DOCK3: variants seen among roughly 807,000 people sequenced by gnomAD.
DOCK3 encodes dedicator of cytokinesis protein 3.
In DOCK3, 60 loss-of-function variants were observed where a neutral mutation model predicts 265.6. The ratio of observed to expected loss-of-function variants is 0.23; its 90% confidence interval spans 0.18 to 0.28. The LOEUF is 0.28. Among genes scored for constraint, DOCK3 ranks in the 10% least tolerant of loss-of-function variants. DOCK3 has a pLI of 1.00. For missense variants in DOCK3, 1,981 were observed against 2,594.3 expected (o/e 0.76, Z 5.14); for synonymous variants, 881 against 938.0 (o/e 0.94, Z 1.11).
Position 51,305,511 on chromosome 3 carries a change from A to G in DOCK3, c.2923-4721A>G, listed in dbSNP as rs532134159. Among the ~76,000 whole-genome samples, 31 of 151,612 alleles carry G rather than the reference A, an allele frequency of 2.0e-4. No individual in the cohort carries two copies. The South Asian group carries it at 6.5e-3, about 32-fold the overall frequency. ...CATATTTTTAAATTAATTTTTCCCA[A>G]CTCCGTCTTTTAGTTGGAGTGTTTA... On this transcript the variant is annotated intron_variant, in intron 27 of 52. Transcript: ENST00000266037.
At chr3:50,847,982 T>A (rs1400542796) in intron 3 of DOCK3, among the ~76,000 whole-genome samples, 1 of 152,034 alleles carries the variant, frequency 6.6e-6, no homozygotes, top group Non-Finnish European at 1.5e-5. Flanking sequence ...GTGTGTTCCA[T>A]TGTTGGGTGC....
chr3:50,844,543 T>C (rs1531271), intron 3 of DOCK3, among the ~76,000 whole-genome samples: 15,082 of 152,122 alleles, frequency 0.099, 928 homozygotes, highest in Non-Finnish European at 0.13. Flanking sequence ...TATAAGTAAA[T>C]GATGAAACAG....
chr3:51,145,279 G>T (rs1020718045), intron 9 of DOCK3, among the ~76,000 whole-genome samples: 23 of 151,836 alleles, frequency 1.5e-4, no homozygotes, highest in African/African-American at 4.8e-4. Flanking sequence ...TGCACAATGT[G>T]CAGGTTTGTT....
At chr3:51,148,289 G>C (rs2085398366) in intron 10 of DOCK3, among the ~76,000 whole-genome samples, 1 of 152,148 alleles carries the variant, frequency 6.6e-6, no homozygotes, top group African/African-American at 2.4e-5. Context: ...CCATTCTGTA[G>C]GTTGCCTGTT....
At chr3:50,970,930 TATATATATATATATATAATG>T (rs2077199932) in intron 5 of DOCK3, among the ~76,000 whole-genome samples, 1 of 73,020 alleles carries the variant, frequency 1.4e-5, no homozygotes, top group African/African-American at 6.0e-5. Context: ...TATATATATA[TATATATATATATATATAATG>T]TGTGTGTGTG....
Position 50,694,073 on chromosome 3 carries a change from A to G in DOCK3, c.37+18773A>G, listed in dbSNP as rs145213117. Among the ~76,000 whole-genome samples the G allele has an allele frequency of 4.7e-3, 709 of 151,816 alleles. 4 individuals carry two copies. Among genetic ancestry groups the G allele is most frequent in the African/African-American group, 0.014 (594 of 41,456 alleles). ...CACCTGAGGTCAGGAGTTTCAGACC[A>G]GCCTGGCCAACATGGCAAAACCCTG... On this transcript the variant is annotated intron_variant, in intron 1 of 52. Transcript: ENST00000266037.
intron 1 of DOCK3, among the ~76,000 whole-genome samples, chr3:50,735,779 A>G (rs2038552639): frequency 6.6e-6 from 1 of 152,168 alleles, no homozygotes; most frequent in Admixed American, 6.5e-5. Context: ...TGGGTAATGC[A>G]TAAATAAGAG....
At chr3:51,053,162 C>CA (rs1575897557) in intron 5 of DOCK3, among the ~76,000 whole-genome samples, 1 of 123,022 alleles carries the variant, frequency 8.1e-6, no homozygotes, top group East Asian at 2.9e-4. Context: ...TGGCATTGAA[C>CA]AAAAAAATAG....
intron 2 of DOCK3, among the ~76,000 whole-genome samples, chr3:50,796,630 G>A (rs79295073): frequency 0.089 from 13,535 of 152,230 alleles, 1,240 homozygotes; most frequent in East Asian, 0.33. Context: ...GAGCCACCGC[G>A]TCCAGCCAGT....
At chr3:51,053,392 C>T (rs891642283) in intron 5 of DOCK3, among the ~76,000 whole-genome samples, 10 of 151,060 alleles carry the variant, frequency 6.6e-5, no homozygotes, top group African/African-American at 2.4e-4. Flanking sequence ...CTTTTCCCTT[C>T]CCCTTTCAAT....
intron 37 of DOCK3, among the ~76,000 whole-genome samples, chr3:51,340,162 C>A (rs1369095819): frequency 6.6e-6 from 1 of 152,168 alleles, no homozygotes; most frequent in Non-Finnish European, 1.5e-5. Flanking sequence ...TGCTAAACTC[C>A]TAGGAAACGG....
intron 5 of DOCK3, among the ~76,000 whole-genome samples, chr3:50,974,686 G>C (rs1400582445): frequency 2.6e-5 from 2 of 77,866 alleles, no homozygotes; most frequent in African/African-American, 7.9e-5. Flanking sequence ...GAAAGGCATC[G>C]GTAGCTTGAT....
Position 51,354,985 on chromosome 3 carries a change from A to T in DOCK3, c.4211A>T (p.Asn1404Ile), listed in dbSNP as rs762148716. ...FPQAVAMQHP[N>I]HPDDAILQCD... Reference sequence around the variant, plus strand: ...CAGGCTGTCGCCATGCAGCACCCCAACCATCCTGATGACGCCATCCTACAG... The same window carrying T: ...CAGGCTGTCGCCATGCAGCACCCCATCCATCCTGATGACGCCATCCTACAG... The change falls in exon 41 of 53, where the codon AAC becomes ATC. Residue 1404 changes from asparagine (N) to isoleucine (I), a missense_variant. Asn to Ile is a moderately radical substitution (Grantham distance 149, BLOSUM62 -3). This residue lies in a region of DOCK3 where 1,357 missense variants were observed against 1,866.8 expected (regional missense o/e 0.73). Coordinates refer to ENST00000266037, the MANE Select transcript of DOCK3 (RefSeq NM_004947.5). The T allele has an allele frequency of 2.7e-5, 44 of 1,613,716 alleles. No individual in the cohort carries two copies. Among genetic ancestry groups the T allele is most frequent in the Non-Finnish European group, 3.7e-5 (44 of 1,179,838 alleles).
intron 27 of DOCK3, among the ~76,000 whole-genome samples, chr3:51,296,727 T>C (rs572291609): frequency 2.2e-4 from 34 of 152,160 alleles, no homozygotes; most frequent in African/African-American, 6.0e-4. Context: ...CCGCCCGCCT[T>C]GGCCTCCCAA....
At chr3:51,280,725 T>C (rs774601184) in intron 27 of DOCK3, among the ~76,000 whole-genome samples, 70 of 152,268 alleles carry the variant, frequency 4.6e-4, no homozygotes, top group Non-Finnish European at 8.5e-4. Flanking sequence ...CTATACATAA[T>C]TTAAAAAGCC....
intron 5 of DOCK3, among the ~76,000 whole-genome samples, chr3:50,952,816 A>C (rs2076627704): frequency 6.6e-6 from 1 of 152,196 alleles, no homozygotes; most frequent in South Asian, 2.1e-4. Flanking sequence ...TTAAACACCG[A>C]GTCTTAGTTT....
At chr3:51,271,537 C>G (rs1229277252) in intron 24 of DOCK3, among the ~76,000 whole-genome samples, 2 of 152,018 alleles carry the variant, frequency 1.3e-5, no homozygotes, top group Non-Finnish European at 2.9e-5. Flanking sequence ...ACAGAGCCTG[C>G]TATACCCTCA....
At chr3:50,885,069 C>T (rs1009245970) in intron 3 of DOCK3, among the ~76,000 whole-genome samples, 1 of 152,166 alleles carries the variant, frequency 6.6e-6, no homozygotes, top group Admixed American at 6.6e-5. Flanking sequence ...CCCTAGGAAC[C>T]TTGGCAACAA....
At chr3:50,686,935 C>T (rs1457103737) in intron 1 of DOCK3, among the ~76,000 whole-genome samples, 1 of 130,650 alleles carries the variant, frequency 7.7e-6, no homozygotes, top group Non-Finnish European at 1.6e-5. Flanking sequence ...AAATGCCGGG[C>T]ACAGTGGCTC....
Sources: allele counts gnomAD v4.1 joint callset (sites outside exome capture counted in the v4.1 genomes callset), GRCh38; gene constraint gnomAD v4.1.1; regional missense constraint gnomAD v4.1.1; transcripts MANE v1.5; gene names NCBI Gene and HGNC (gene_info 2026-07-23, HGNC 2026-07-21).